The following COL6A6 variants were observed in gnomAD, a reference collection of about 807,000 sequenced individuals.
The protein encoded by COL6A6 is collagen alpha-6(VI) chain.
COL6A6 carries 183 observed loss-of-function variants against 208.6 expected under a neutral mutation model. That is an observed-to-expected ratio of 0.88 (90% CI 0.78 to 0.99). COL6A6 has a LOEUF of 0.99. COL6A6 is among the 50% of genes least tolerant of loss of function. COL6A6 has a pLI of 0.00. For synonymous variants in COL6A6, 973 were observed against 1,011.8 expected, an observed-to-expected ratio of 0.96 and a Z score of 0.73; for missense variants, 2,816 against 2,815.2, an observed-to-expected ratio of 1.00 and a Z score of -0.01.
At position 130,517,548 on chromosome 3, in the gene COL6A6, A is replaced by G. The variant is rs55642223; in HGVS notation, c.-32+151A>G. Among the ~76,000 whole-genome samples, 145 of 151,506 alleles carry G rather than the reference A, an allele frequency of 9.6e-4. 1 individual carries two copies. Among genetic ancestry groups the G allele is most frequent in the African/African-American group, 3.3e-3 (137 of 41,286 alleles). On this transcript the variant is annotated intron_variant, in intron 1 of 36. Coordinates refer to ENST00000358511, the MANE Select transcript of COL6A6 (RefSeq NM_001102608.3). ...ATAAGTGAATTTCAGAAGCTCAAAA[A>G]CTCCTCCTTTGGCTTTTCTCCTCCT...
At chr3:130,638,644 A>G (rs2065223031) in intron 28 of COL6A6, among the ~76,000 whole-genome samples, 1 of 152,206 alleles carries the variant, frequency 6.6e-6, no homozygotes, top group South Asian at 2.1e-4. Context: ...AGTTTTTGAA[A>G]CAGCTAACAT....
At position 130,599,397 on chromosome 3, in the gene COL6A6, A is replaced by G. The variant is rs528046309; in HGVS notation, c.4600-360A>G. Among the ~76,000 whole-genome samples, 11 of 150,664 alleles carry G rather than the reference A, an allele frequency of 7.3e-5. No individual in the cohort carries two copies. In the East Asian group the frequency reaches 2.1e-3, roughly 29 times the overall value. ...AAAGGATCAAGCAATTCAAAAGTAG[A>G]AATCCAAACCAGTAGTAGCCATACC... is the stretch of plus-strand genomic sequence containing the variant. On this transcript the variant is annotated intron_variant, in intron 19 of 36. Coordinates refer to ENST00000358511, the MANE Select transcript of COL6A6 (RefSeq NM_001102608.3).
In COL6A6 at chr3:130,571,355, C is replaced by T; in HGVS notation, c.2939C>T (p.Ser980Leu). Residue 980 changes from serine (S) to leucine (L), a missense_variant, in exon 7 of 37, where the codon TCA becomes TTA. Ser to Leu is a moderately radical substitution (Grantham distance 145). Coordinates refer to ENST00000358511, the MANE Select transcript of COL6A6 (RefSeq NM_001102608.3). ...TTTGGAGGTCTGAAGGGAATATTTT[C>T]AGATGTGACAGCCAGTGTCTGCAAC... The part of the protein sequence containing the change: ...ETFGGLKGIF[S>L]DVTASVCNSS... 1 of 1,597,954 alleles carries T rather than the reference C, an allele frequency of 6.3e-7. No homozygotes were observed. The highest frequency in any genetic ancestry group is 8.5e-7 in the Non-Finnish European group (1 of 1,173,928).
intron 20 of COL6A6, among the ~76,000 whole-genome samples, chr3:130,604,864 T>C (rs1012469883): frequency 6.6e-6 from 1 of 152,264 alleles, no homozygotes; most frequent in African/African-American, 2.4e-5. Flanking sequence ...CTGGAAGCTC[T>C]TTATTTTGCT....
intron 31 of COL6A6, among the ~76,000 whole-genome samples, chr3:130,644,700 T>G (rs2065418440): frequency 1.3e-5 from 2 of 152,230 alleles, no homozygotes; most frequent in African/African-American, 4.8e-5. Flanking sequence ...CGCACCTCCC[T>G]GCAATGTCAT....
rs141194481 is a variant in COL6A6, at chr3:130,541,866, T to C, written c.-31-18468T>C. On this transcript the variant is annotated intron_variant, in intron 1 of 36. Transcript: ENST00000358511. ...ACTAAAGATAAGCCTGTTCAGGTTG[T>C]ATATTCTTGTGTGAGTTTTGGCAGC... Among the ~76,000 whole-genome samples, 926 of 152,372 alleles carry C rather than the reference T, an allele frequency of 6.1e-3. 11 individuals carry two copies. The highest frequency in any genetic ancestry group is 0.04 in the East Asian group (210 of 5,190).
intron 12 of COL6A6, among the ~76,000 whole-genome samples, chr3:130,590,772 T>A (rs2063691929): frequency 6.6e-6 from 1 of 151,686 alleles, no homozygotes. Context: ...TTTCACCGTG[T>A]TAGCCAGGAT....
At chr3:130,531,042 A>T (rs1412281331) in intron 1 of COL6A6, among the ~76,000 whole-genome samples, 1,194 of 17,270 alleles carry the variant, frequency 0.069, 21 homozygotes, top group African/African-American at 0.094. Context: ...ACACACAGAC[A>T]CACACACACA....
At chr3:130,529,286 G>T (rs1436827596) in intron 1 of COL6A6, among the ~76,000 whole-genome samples, 18 of 106,378 alleles carry the variant, frequency 1.7e-4, no homozygotes, top group East Asian at 2.7e-4. Flanking sequence ...AGCAGGAAAT[G>T]TAAAAAAAAA....
At chr3:130,562,883 C>T (rs2062924630) in intron 2 of COL6A6, among the ~76,000 whole-genome samples, 185 bp from the exon 3 acceptor site, 1 of 152,100 alleles carries the variant, frequency 6.6e-6, no homozygotes, top group Non-Finnish European at 1.5e-5. Context: ...TTAAAAGAAT[C>T]AGCCCAAGAT....
In COL6A6 at chr3:130,517,768, AG is replaced by A. The variant is rs1300639650; in HGVS notation, c.-32+372del. Among the ~76,000 whole-genome samples, 4 of 152,252 alleles carry A rather than the reference AG, an allele frequency of 2.6e-5. No individual in the cohort carries two copies. In the East Asian group the frequency reaches 7.7e-4, roughly 29 times the overall value. On this transcript the variant is annotated intron_variant, in intron 1 of 36. Coordinates refer to ENST00000358511, the MANE Select transcript of COL6A6 (RefSeq NM_001102608.3). ...ACAGGGCCTGGCGAGTGGCATGTAC[AG>A]TGGACCACTCTCGGAAACAAATGAA...
Position 130,626,564 on chromosome 3 carries a change from T to G in COL6A6, c.4941+17T>G. ...GGCTTGCAGGTTTGTATTTTGACAC[T>G]AGTTTTGATCGGATTCTTGGAATCT... On this transcript the variant is annotated intron_variant, in intron 25 of 36. Transcript: ENST00000358511. The G allele has an allele frequency of 6.3e-7, 1 of 1,592,434 alleles. No homozygotes were observed. Among genetic ancestry groups the G allele is most frequent in the Non-Finnish European group, 8.6e-7 (1 of 1,160,274 alleles).
chr3:130,590,268 TATATATATATATATATATATATATA>T (rs1560034329), intron 12 of COL6A6, among the ~76,000 whole-genome samples: 2 of 16,748 alleles, frequency 1.2e-4, no homozygotes, highest in African/African-American at 2.5e-4. Context: ...TATATATATA[TATATATATATATATATATATATATA>T]TATATATTTT....
intron 35 of COL6A6, 56 bp downstream of exon 35, chr3:130,662,364 A>G: frequency 6.6e-7 from 1 of 1,514,212 alleles, no homozygotes; most frequent in Admixed American, 1.9e-5. Context: ...GGTATTACTA[A>G]AAAAAGGTTG....
At chr3:130,654,571 T>C (rs1175605105) in intron 33 of COL6A6, among the ~76,000 whole-genome samples, 3 of 152,256 alleles carry the variant, frequency 2.0e-5, no homozygotes, top group Non-Finnish European at 4.4e-5. Context: ...GGTATACCCA[T>C]ATACACACAT....
At position 130,581,872 on chromosome 3, in the gene COL6A6, A is replaced by G. The variant is rs200030810; in HGVS notation, c.3859A>G (p.Thr1287Ala). The G allele has an allele frequency of 3.7e-5, 60 of 1,610,592 alleles. No individual in the cohort carries two copies. The highest frequency in any genetic ancestry group is 1.7e-4 in the Middle Eastern group (1 of 6,056). ...AAACCTCTTGGATTCTCTATGGGATACATTTCAGAATAAATCAGCTGCTCG... is the reference window on the plus strand; with the variant it reads ...AAACCTCTTGGATTCTCTATGGGATGCATTTCAGAATAAATCAGCTGCTCG... ...NANLLDSLWD[T>A]FQNKSAARGK... The change falls in exon 9 of 37, where the codon ACA becomes GCA. Residue 1287 changes from threonine to alanine, a missense_variant. Thr to Ala is a moderately conservative substitution (Grantham distance 58). Transcript: ENST00000358511.
At chr3:130,530,011 C>G (rs1407970278) in intron 1 of COL6A6, among the ~76,000 whole-genome samples, 2 of 152,180 alleles carry the variant, frequency 1.3e-5, no homozygotes, top group African/African-American at 2.4e-5. Context: ...TATGCAAATC[C>G]TGAGGCTCAC....
chr3:130,570,231 G>A (rs1289428525), intron 6 of COL6A6, among the ~76,000 whole-genome samples: 1 of 152,186 alleles, frequency 6.6e-6, no homozygotes, highest in African/African-American at 2.4e-5. Context: ...GACCCAGTGC[G>A]AAGTGGGCTT....
At chr3:130,547,446 T>A (rs1053696924) in intron 1 of COL6A6, among the ~76,000 whole-genome samples, 4 of 152,196 alleles carry the variant, frequency 2.6e-5, no homozygotes, top group Admixed American at 2.6e-4. Flanking sequence ...TGCCTCTCCC[T>A]CCACACCTCC....
Sources: gnomAD v4.1 joint callset for allele counts (sites outside exome capture counted in the v4.1 genomes callset) on GRCh38, gnomAD v4.1.1 for gene constraint, MANE v1.5 for transcripts, NCBI Gene and HGNC (gene_info 2026-07-23, HGNC 2026-07-21) for gene names.